CRYGC: variants seen among roughly 807,000 people sequenced by gnomAD.
The protein encoded by CRYGC is gamma-crystallin C.
In CRYGC, 14 loss-of-function variants were observed where a neutral mutation model predicts 21.9. That is an observed-to-expected ratio of 0.64 (90% CI 0.42 to 1.00). The LOEUF is 1.00. Ranked by LOEUF, CRYGC falls within the 50% of genes least tolerant of loss-of-function variation. The pLI, the probability that CRYGC is intolerant of heterozygous loss-of-function variation, is 0.00. For missense variants in CRYGC, 235 were observed against 234.2 expected (o/e 1.00, Z -0.02); for synonymous variants, 96 against 89.8 (o/e 1.07, Z -0.39).
intron 2 of CRYGC, among the ~76,000 whole-genome samples, chr2:208,128,937 A>G (rs1261035942): frequency 6.6e-6 from 1 of 152,248 alleles, no homozygotes; most frequent in Non-Finnish European, 1.5e-5. Context: ...GTAAAGTTAA[A>G]TAGTCATTTG....
chr2:208,129,128 C>T (rs1327117256), intron 2 of CRYGC, among the ~76,000 whole-genome samples: 5 of 152,270 alleles, frequency 3.3e-5, no homozygotes, highest in Non-Finnish European at 7.4e-5. Flanking sequence ...GTTAAAAATA[C>T]CGTCTTTTTA....
At position 208,129,641 on chromosome 2, in the gene CRYGC, C is replaced by T. The variant is rs145041511; in HGVS notation, c.52G>A (p.Glu18Lys). Residue 18 changes from glutamate to lysine, a missense_variant, in exon 2 of 3, where the codon GAA (glutamate) becomes AAA (lysine). By Grantham distance (56) the Glu-to-Lys change is moderately conservative (BLOSUM62 1). Coordinates refer to ENST00000282141, the MANE Select transcript of CRYGC (RefSeq NM_020989.4). The stretch of plus-strand genomic sequence containing the variant: ...AGGTTGGGGCAGTCAGTGGTGGTTT[C>T]GTAGCTGCGGCCCTGGAAGGCCCTG... Reference protein sequence around the residue: ...EDRAFQGRSYETTTDCPNLQP... With the variant: ...EDRAFQGRSYKTTTDCPNLQP... 102 of 1,614,142 alleles carry T rather than the reference C, an allele frequency of 6.3e-5. No homozygotes were observed. The highest frequency in any genetic ancestry group is 1.6e-4 in the Middle Eastern group (1 of 6,084).
intron 1 of CRYGC, 39 bp downstream of exon 1, chr2:208,129,745 A>G: frequency 6.2e-7 from 1 of 1,614,210 alleles, no homozygotes; most frequent in East Asian, 2.2e-5. Flanking sequence ...ATATAAAGGC[A>G]ACTTTTTTTT....
rs941002450 is a variant in CRYGC, at chr2:208,128,233, G to T, written c.495C>A (p.Gly165=). 1 of 1,614,240 alleles carries T rather than the reference G, an allele frequency of 6.2e-7. No homozygotes were observed. Reference sequence around the variant, plus strand: ...ACAAATCCACCACTCTCCGCAAAGAGCCTGCCTTAGCATCCATGGCCCCCC... The same window carrying T: ...ACAAATCCACCACTCTCCGCAAAGATCCTGCCTTAGCATCCATGGCCCCCC... ...QDWGAMDAKA[G]SLRRVVDLY Residue 165 remains glycine (G), a synonymous_variant, in exon 3 of 3, where the codon GGC becomes GGA. Transcript: ENST00000282141.
intron 2 of CRYGC, 60 bp from the exon 3 acceptor site, chr2:208,128,535 C>G: frequency 6.3e-7 from 1 of 1,599,068 alleles, no homozygotes; most frequent in Admixed American, 1.7e-5. Flanking sequence ...CAGAATTTGT[C>G]CAACCAAAGA....
rs1363132022 is a variant in CRYGC, at chr2:208,128,437, G to A, written c.291C>T (p.Asp97=). Residue 97 remains aspartate, a synonymous_variant, in exon 3 of 3, where the codon GAC becomes GAT. Coordinates refer to ENST00000282141, the MANE Select transcript of CRYGC (RefSeq NM_020989.4). ...SHRLRLYERE[D]HKGLMMELSE... is the part of the protein sequence containing the mutation. ...TCAGCTCCATCATGAGGCCTTTGTG[G>A]TCTTCCCTCTCGTACAGCCGCAGCC... 3 of 1,614,056 alleles carry A rather than the reference G, an allele frequency of 1.9e-6. No individual in the cohort carries two copies. The African/African-American group carries it at 4.0e-5, about 22-fold the overall frequency.
Position 208,129,677 on chromosome 2 carries a change from A to G in CRYGC, c.16T>C (p.Phe6Leu). The G allele has an allele frequency of 6.2e-7, 1 of 1,614,244 alleles. No individual in the cohort carries two copies. Among genetic ancestry groups the G allele is most frequent in the Non-Finnish European group, 8.5e-7 (1 of 1,180,050 alleles). Residue 6 changes from phenylalanine (F) to leucine (L), a missense_variant, in exon 2 of 3, where the codon TTC becomes CTC. By Grantham distance (22) the Phe-to-Leu change is conservative. Coordinates refer to ENST00000282141, the MANE Select transcript of CRYGC (RefSeq NM_020989.4). MGKIT[F>L]YEDRAFQGRS... ...CCCTGGAAGGCCCTGTCCTCATAGA[A>G]GGTGATCTGCAAAGGAAGAATCGTT...
chr2:208,128,488 C>A lies in CRYGC; in HGVS notation c.253-13G>T, dbSNP rs148575766. Reference sequence around the variant, plus strand: ...TGTGGGAGACTGTCTACTCGGTCCACAGAAAGAAGGATGGAAAAAAGCAAA... The same window carrying A: ...TGTGGGAGACTGTCTACTCGGTCCAAAGAAAGAAGGATGGAAAAAAGCAAA... On this transcript the variant is annotated splice_polypyrimidine_tract_variant and intron_variant, in intron 2 of 2. Transcript: ENST00000282141. 19 of 1,614,150 alleles carry A rather than the reference C, an allele frequency of 1.2e-5. No homozygotes were observed. In the African/African-American group the frequency reaches 1.9e-4, roughly 16 times the overall value.
Sources: gnomAD v4.1 joint callset for allele counts (sites outside exome capture counted in the v4.1 genomes callset) on GRCh38, gnomAD v4.1.1 for gene constraint, MANE v1.5 for transcripts, NCBI Gene and HGNC (gene_info 2026-07-23, HGNC 2026-07-21) for gene names.